Variants in RAB3GAP2 observed in about 807,000 individuals in gnomAD.
The protein encoded by RAB3GAP2 is RAB3 GTPase activating non-catalytic protein subunit 2, also known as rab3 GTPase-activating protein non-catalytic subunit.
A neutral mutation model predicts 185.3 loss-of-function variants in RAB3GAP2; 87 were observed. The ratio of observed to expected loss-of-function variants is 0.47; its 90% CI spans 0.39 to 0.56. The LOEUF is 0.56. Among genes scored for constraint, RAB3GAP2 ranks in the 20% least tolerant of loss-of-function variants. The pLI, the probability that RAB3GAP2 is intolerant of heterozygous loss-of-function variation, is 0.00. For missense variants in RAB3GAP2, 1,492 were observed against 1,638.2 expected (o/e 0.91, Z 1.54); for synonymous variants, 554 against 576.1 (o/e 0.96, Z 0.55).
intron 21 of RAB3GAP2, among the ~76,000 whole-genome samples, chr1:220,178,580 T>C (rs567303041): frequency 6.6e-6 from 1 of 152,196 alleles, no homozygotes; most frequent in South Asian, 2.1e-4. Context: ...TGGTATCAGT[T>C]TTAAATACTT....
Position 220,254,492 on chromosome 1 carries a change from C to T in RAB3GAP2, c.115+17731G>A, listed in dbSNP as rs534375573. ...AAGAATTCTGCAACTTTGTTTAGTG[C>T]CAGCGATTATGAAGTGGCTCCTCCT... On this transcript the variant is annotated intron_variant, in intron 1 of 34. Coordinates refer to ENST00000358951, the MANE Select transcript of RAB3GAP2 (RefSeq NM_012414.4). The T allele has an allele frequency of 3.1e-5, 50 of 1,613,394 alleles. No homozygotes were observed. In the African/African-American group the frequency reaches 6.1e-4, roughly 20 times the overall value.
At chr1:220,161,681 T>A (rs1213646213) in intron 28 of RAB3GAP2, among the ~76,000 whole-genome samples, 1 of 152,142 alleles carries the variant, frequency 6.6e-6, no homozygotes, top group Non-Finnish European at 1.5e-5. Flanking sequence ...TAGAGGAGAA[T>A]AACTCCTAGG....
rs1553272693 is a variant in RAB3GAP2 at position 220,149,140 on chromosome 1, T to TATC, written c.*2108_*2110dup. ...ATAGGTATTTATTTGCCTTTCTTCCTATCAATCAGATTTATTTATTTTAAA... is the reference window on the plus strand; with the variant it reads ...ATAGGTATTTATTTGCCTTTCTTCCTATCATCAATCAGATTTATTTATTTTAAA... On this transcript the variant is annotated 3_prime_UTR_variant, in exon 35 of 35. Transcript: ENST00000358951. The TATC allele has an allele frequency of 4.6e-5, 7 of 152,324 alleles. No homozygotes were observed. Among genetic ancestry groups the TATC allele is most frequent in the Non-Finnish European group, 8.8e-5 (6 of 68,018 alleles). The allele number at this position is 152,324 out of a possible 1,614,324, so 9.4% of individuals were successfully genotyped here. A position where few individuals can be genotyped will look rare whatever the true frequency, so the allele number is the denominator to read the frequency against.
intron 2 of RAB3GAP2, 87 bp from the exon 3 acceptor site, chr1:220,214,066 G>GAAAAAAAAA: frequency 8.1e-7 from 1 of 1,236,572 alleles, no homozygotes; most frequent in Admixed American, 2.0e-5. Flanking sequence ...TGAGAGGGAA[G>GAAAAAAAAA]AAAAAAAAGA....
chr1:220,228,069 T>A (rs189597121), intron 2 of RAB3GAP2, among the ~76,000 whole-genome samples: 38 of 152,342 alleles, frequency 2.5e-4, no homozygotes, highest in Non-Finnish European at 4.7e-4. Context: ...ATTGTTTTTA[T>A]AATTATAACG....
intron 1 of RAB3GAP2, among the ~76,000 whole-genome samples, chr1:220,243,044 C>T (rs1327911798): frequency 3.9e-5 from 6 of 152,104 alleles, no homozygotes; most frequent in Admixed American, 3.9e-4. Context: ...CAACATCAGC[C>T]TTTATTTTTT....
chr1:220,267,042 G>A (rs1282151972), intron 1 of RAB3GAP2: 2 of 1,611,428 alleles, frequency 1.2e-6, no homozygotes, highest in African/African-American at 2.7e-5. Context: ...GGTAGTCCAG[G>A]GTGCCACAGA....
At chr1:220,234,695 A>C (rs1435110453) in intron 1 of RAB3GAP2, among the ~76,000 whole-genome samples, 1 of 152,216 alleles carries the variant, frequency 6.6e-6, no homozygotes, top group African/African-American at 2.4e-5. Flanking sequence ...AAGGCAGACA[A>C]ACATGGAACC....
rs1430016273 is a variant in RAB3GAP2 at position 220,266,596 on chromosome 1, G to A, written c.115+5627C>T. The A allele has an allele frequency of 1.4e-5, 14 of 966,574 alleles. No individual in the cohort carries two copies. In the South Asian group the frequency reaches 1.5e-4, roughly 10 times the overall value. The allele number at this position is 966,574 out of a possible 1,614,324, so 59.9% of individuals were successfully genotyped here. ...CTCAGTAAAACAAATATTTCTTTTA[G>A]TGTTCTAGATTGAGGGCAGCAGTCA... On this transcript the variant is annotated intron_variant, in intron 1 of 34. Transcript: ENST00000358951.
At chr1:220,250,289 T>G (rs1659908089) in intron 1 of RAB3GAP2, among the ~76,000 whole-genome samples, 1 of 152,184 alleles carries the variant, frequency 6.6e-6, no homozygotes, top group Non-Finnish European at 1.5e-5. Flanking sequence ...TTTGGAACTT[T>G]AAGGTTTAAT....
At position 220,177,297 on chromosome 1, in the gene RAB3GAP2, A is replaced by G. The variant is rs573137070; in HGVS notation, c.2311-4555T>C. On this transcript the variant is annotated intron_variant, in intron 21 of 34. Coordinates refer to ENST00000358951, the MANE Select transcript of RAB3GAP2 (RefSeq NM_012414.4). ...AGTGGTCACAAGCTCAGGGAACATGAAAGTCAGTCAGCTTAGAATCCCTGG... is the reference window on the plus strand; with the variant it reads ...AGTGGTCACAAGCTCAGGGAACATGGAAGTCAGTCAGCTTAGAATCCCTGG... Among the ~76,000 whole-genome samples the G allele has an allele frequency of 2.6e-5, 4 of 152,358 alleles. No individual in the cohort carries two copies. In the South Asian group the frequency reaches 8.3e-4, roughly 32 times the overall value.
At chr1:220,214,249 A>G (rs1017672005) in intron 2 of RAB3GAP2, among the ~76,000 whole-genome samples, 1 of 152,214 alleles carries the variant, frequency 6.6e-6, no homozygotes, top group African/African-American at 2.4e-5. Flanking sequence ...AGAATGTCAC[A>G]TAGTGGCCAG....
intron 2 of RAB3GAP2, among the ~76,000 whole-genome samples, chr1:220,230,530 T>C (rs575635366): frequency 1.6e-4 from 24 of 152,342 alleles, no homozygotes; most frequent in Non-Finnish European, 2.8e-4. Context: ...AATGGTTTCC[T>C]GTTCTTAATC....
intron 19 of RAB3GAP2, among the ~76,000 whole-genome samples, chr1:220,183,657 T>G (rs1658454562): frequency 6.6e-6 from 1 of 152,200 alleles, no homozygotes; most frequent in South Asian, 2.1e-4. Context: ...AATATTGAAC[T>G]TAAATGCTTA....
chr1:220,173,802 C>T (rs903519727), intron 21 of RAB3GAP2, among the ~76,000 whole-genome samples: 12 of 152,088 alleles, frequency 7.9e-5, no homozygotes, highest in African/African-American at 2.9e-4. Flanking sequence ...GGGCGGATCA[C>T]GAGGTCAGGA....
At chr1:220,212,497 A>G (rs1403787639) in intron 4 of RAB3GAP2, among the ~76,000 whole-genome samples, 3 of 150,696 alleles carry the variant, frequency 2.0e-5, no homozygotes, top group African/African-American at 7.3e-5. Context: ...TTATTCTAAA[A>G]AATTTTTTTT....
intron 21 of RAB3GAP2, among the ~76,000 whole-genome samples, chr1:220,175,563 A>C (rs1336827908): frequency 6.6e-6 from 1 of 152,230 alleles, no homozygotes; most frequent in Non-Finnish European, 1.5e-5. Flanking sequence ...TGTCTCTTAA[A>C]GCTTGGTTCA....
chr1:220,238,266 T>A (rs1352774381), intron 1 of RAB3GAP2, among the ~76,000 whole-genome samples: 1 of 152,142 alleles, frequency 6.6e-6, no homozygotes, highest in African/African-American at 2.4e-5. Context: ...GCTGGTGATG[T>A]GTGTTTTACA....
rs1040179395 is a variant in RAB3GAP2 at position 220,193,100 on chromosome 1, T to C, written c.1270+140A>G. 12 of 1,008,734 alleles carry C rather than the reference T, an allele frequency of 1.2e-5. No individual in the cohort carries two copies. In the African/African-American group the frequency reaches 1.8e-4, roughly 15 times the overall value. 62.5% of individuals were successfully genotyped at this position (1,008,734 alleles called of 1,614,324 possible). ...CTACTGGACCAAGTGGTTGCTGATC[T>C]GAGTTCATGTCAAAAAAAGAAAATG... On this transcript the variant is annotated intron_variant, in intron 13 of 34. Coordinates refer to ENST00000358951, the MANE Select transcript of RAB3GAP2 (RefSeq NM_012414.4).
Sources: allele counts gnomAD v4.1 joint callset (sites outside exome capture counted in the v4.1 genomes callset), GRCh38; gene constraint gnomAD v4.1.1; transcripts MANE v1.5; gene names NCBI Gene and HGNC (gene_info 2026-07-23, HGNC 2026-07-21).